Variants in ZNF765 observed in about 807,000 individuals in gnomAD.
ZNF765 encodes zinc finger protein 765.
Under a neutral mutation model 44.7 loss-of-function variants are expected in ZNF765, and 37 were observed. The observed-to-expected ratio is 0.83, with a 90% CI of 0.64 to 1.09. The LOEUF (loss-of-function observed/expected upper bound fraction) is 1.09, where lower values mean the gene tolerates loss of function less well. ZNF765 is among the 50% of genes least tolerant of loss of function. The pLI is 0.00. For synonymous variants in ZNF765, 201 were observed against 213.7 expected (o/e 0.94, Z 0.52); for missense variants, 594 against 626.1 (o/e 0.95, Z 0.55).
At chr19:53,397,866 C>A in intron 1 of ZNF765, 77 bp from the exon 2 acceptor site, 2 of 1,357,344 alleles carry the variant, frequency 1.5e-6, no homozygotes, top group Non-Finnish European at 2.0e-6. Context: ...GATGAGGTCT[C>A]CTTTGTATGT....
chr19:53,417,116 C>A (rs1208454244), intron 3 of ZNF765, among the ~76,000 whole-genome samples: 1 of 152,122 alleles, frequency 6.6e-6, no homozygotes, highest in African/African-American at 2.4e-5. Flanking sequence ...CTATGCCCGA[C>A]CAGGTTTCTT....
intron 1 of ZNF765, among the ~76,000 whole-genome samples, chr19:53,395,532 C>A (rs1467002096): frequency 6.6e-6 from 1 of 152,266 alleles, no homozygotes; most frequent in Non-Finnish European, 1.5e-5. Flanking sequence ...CTCCCAGTCT[C>A]GCCCTCGTTG....
downstream of ZNF765, among the ~76,000 whole-genome samples, chr19:53,416,916 T>G (rs11666717): frequency 0.01 from 1,587 of 151,490 alleles, 5 homozygotes; most frequent in Non-Finnish European, 0.016. Flanking sequence ...CTCGCAGGTT[T>G]GAGCAATTCT....
At position 53,408,734 on chromosome 19, in the gene ZNF765, T is replaced by G. The variant is rs747918037; in HGVS notation, c.1179T>G (p.Ser393Arg). ...YKCNECSKTF[S>R]HKSSLTYHRR... is the part of the protein sequence containing the mutation. ...GTAATGAGTGTAGCAAGACCTTTAG[T>G]CACAAGTCATCTCTTACATACCATC... Residue 393 changes from serine to arginine, a missense_variant, in exon 4 of 4, where the codon AGT (serine) becomes AGG (arginine). Physicochemically the swap from Ser to Arg is moderately radical, Grantham distance 110. Transcript: ENST00000396408. 3 of 1,574,934 alleles carry G rather than the reference T, an allele frequency of 1.9e-6. No individual in the cohort carries two copies.
At position 53,410,685 on chromosome 19, in the gene ZNF765, A is replaced by G. The variant is rs548330315; in HGVS notation, c.*1558A>G. On this transcript the variant is annotated 3_prime_UTR_variant, in exon 4 of 4. Coordinates refer to ENST00000396408, the MANE Select transcript of ZNF765 (RefSeq NM_001040185.3). ...AAGAGAGATCATACTAGTTTAATAA[A>G]TTTGGCAAATTTTTCAGACATTGTT... The G allele has an allele frequency of 5.7e-5, 26 of 453,572 alleles. 1 individual carries two copies. Among genetic ancestry groups the G allele is most frequent in the South Asian group, 4.2e-4 (25 of 58,894 alleles). 28.1% of individuals were successfully genotyped at this position (453,572 alleles called of 1,614,324 possible). A position where few individuals can be genotyped will look rare whatever the true frequency, so the allele number is the denominator to read the frequency against.
chr19:53,395,485 A>C (rs2085658014), intron 1 of ZNF765, among the ~76,000 whole-genome samples: 1 of 152,192 alleles, frequency 6.6e-6, no homozygotes. Flanking sequence ...CGCTTTTTAA[A>C]GTCCTCACCC....
intron 3 of ZNF765, among the ~76,000 whole-genome samples, chr19:53,420,821 C>A (rs1190422815): frequency 6.6e-6 from 1 of 152,040 alleles, no homozygotes; most frequent in Non-Finnish European, 1.5e-5. Flanking sequence ...GACACAATAC[C>A]CTGTGGAAGG....
intron 2 of ZNF765, among the ~76,000 whole-genome samples, chr19:53,400,599 C>T (rs2085714425): frequency 6.6e-6 from 1 of 151,966 alleles, no homozygotes; most frequent in South Asian, 2.1e-4. Flanking sequence ...TACACACCCA[C>T]ACACACAATA....
downstream of ZNF765, among the ~76,000 whole-genome samples, chr19:53,414,489 ACCCCCCCCCCCC>A (rs1160212994): frequency 6.3e-3 from 32 of 5,098 alleles, 1 homozygote; most frequent in African/African-American, 0.016. Flanking sequence ...ACACACACAC[ACCCCCCCCCCCC>A]CCCCCCCCGG....
chr19:53,412,310 A>C (rs1170536667), downstream of ZNF765, among the ~76,000 whole-genome samples: 7 of 152,164 alleles, frequency 4.6e-5, no homozygotes, highest in African/African-American at 1.7e-4. Flanking sequence ...ATTCTGTTCA[A>C]GTGGCATATC....
chr19:53,408,349 A>T lies in ZNF765; in HGVS notation c.794A>T (p.His265Leu). 1 of 1,614,228 alleles carries T rather than the reference A, an allele frequency of 6.2e-7. No individual in the cohort carries two copies. The highest frequency in any genetic ancestry group is 8.5e-7 in the Non-Finnish European group (1 of 1,180,030). The change falls in exon 4 of 4, where the codon CAC becomes CTC. Residue 265 changes from histidine to leucine, a missense_variant. His to Leu is a moderately conservative substitution (Grantham distance 99). Transcript: ENST00000396408. ...TACGTTGCACGCCATCGTAGATGTCACACTGGTGAGAAACCTTACAAGTGT... is the reference window on the plus strand; with the variant it reads ...TACGTTGCACGCCATCGTAGATGTCTCACTGGTGAGAAACCTTACAAGTGT... ...KRYVARHRRCHTGEKPYKCNE... is the reference protein window; with the variant it reads ...KRYVARHRRCLTGEKPYKCNE...
At chr19:53,405,993 ACAT>A (rs1191310242) in intron 3 of ZNF765, among the ~76,000 whole-genome samples, 2 of 106,538 alleles carry the variant, frequency 1.9e-5, no homozygotes, top group Non-Finnish European at 3.9e-5. Context: ...TGTAGTTGTG[ACAT>A]CATAATTGCA....
Position 53,410,543 on chromosome 19 carries a change from C to A in ZNF765, c.*1416C>A. The A allele has an allele frequency of 2.4e-6, 1 of 418,674 alleles. No homozygotes were observed. Among genetic ancestry groups the A allele is most frequent in the South Asian group, 2.0e-5 (1 of 49,000 alleles). The allele number at this position is 418,674 out of a possible 1,614,324, so 25.9% of individuals were successfully genotyped here. ...ATGTGACAGGTCTTTAGTGGGCAGT[C>A]AACACTTGTTTACCATCAGGCAATC... On this transcript the variant is annotated 3_prime_UTR_variant, in exon 4 of 4. Transcript: ENST00000396408.
At chr19:53,416,956 T>C (rs1482767576), downstream of ZNF765, among the ~76,000 whole-genome samples, 1 of 152,088 alleles carries the variant, frequency 6.6e-6, no homozygotes, top group African/African-American at 2.4e-5. Context: ...TAGCTGGGAT[T>C]ACAGGCGCGC....
intron 3 of ZNF765, among the ~76,000 whole-genome samples, chr19:53,421,701 A>G (rs1363830904): frequency 6.6e-6 from 1 of 152,042 alleles, no homozygotes; most frequent in Non-Finnish European, 1.5e-5. Context: ...TTTAGTAGAG[A>G]TGGGGTTTCT....
chr19:53,408,651 C>T lies in ZNF765; in HGVS notation c.1096C>T (p.Arg366Trp), dbSNP rs773295662. ...TAATGAGTGTGGCAAGACCTTTAGT[C>T]GGAAGTCACATTTTACATGCCATCA... Reference protein sequence around the residue: ...KCNECGKTFSRKSHFTCHHRV... With the variant: ...KCNECGKTFSWKSHFTCHHRV... The change falls in exon 4 of 4, where the codon CGG becomes TGG. Residue 366 changes from arginine to tryptophan, a missense_variant. Transcript: ENST00000396408. 13 of 1,613,204 alleles carry T rather than the reference C, an allele frequency of 8.1e-6. No individual in the cohort carries two copies. In the Middle Eastern group the frequency reaches 4.9e-4, roughly 61 times the overall value.
At chr19:53,418,320 C>T (rs542562404) in intron 3 of ZNF765, among the ~76,000 whole-genome samples, 125 of 152,124 alleles carry the variant, frequency 8.2e-4, no homozygotes, top group African/African-American at 2.8e-3. Context: ...GCCTGGGTGA[C>T]AGAGTGAGAC....
At chr19:53,401,108 C>G (rs1223731201) in intron 2 of ZNF765, among the ~76,000 whole-genome samples, 1 of 151,910 alleles carries the variant, frequency 6.6e-6, no homozygotes, top group Admixed American at 6.6e-5. Flanking sequence ...TCAAGCAATT[C>G]TCCTGCATCA....
At chr19:53,416,197 A>C (rs2085874109), downstream of ZNF765, among the ~76,000 whole-genome samples, 1 of 152,050 alleles carries the variant, frequency 6.6e-6, no homozygotes, top group Non-Finnish European at 1.5e-5. Flanking sequence ...CAAGTGATCC[A>C]CCCACCTCGG....
Sources: gnomAD v4.1 joint callset for allele counts (sites outside exome capture counted in the v4.1 genomes callset) on GRCh38, gnomAD v4.1.1 for gene constraint, MANE v1.5 for transcripts, NCBI Gene and HGNC (gene_info 2026-07-23, HGNC 2026-07-21) for gene names.